The following PLEKHA8 variants were observed in gnomAD, a reference collection of about 807,000 sequenced individuals.
PLEKHA8 encodes pleckstrin homology domain containing A8.
A neutral mutation model predicts 68.2 loss-of-function variants in PLEKHA8; 36 were observed. The observed-to-expected ratio is 0.53, with a 90% CI of 0.40 to 0.70. PLEKHA8 has a LOEUF of 0.70. PLEKHA8 is among the 30% of genes least tolerant of loss of function. The probability of loss-of-function intolerance (pLI) is 0.00; values close to 1 mark genes in which losing one functional copy is unlikely to be tolerated. For synonymous variants in PLEKHA8, 211 were observed against 216.1 expected (o/e 0.98, Z 0.20); for missense variants, 505 against 615.4 (o/e 0.82, Z 1.90).
chr7:30,061,399 C>G (rs1168423606), intron 10 of PLEKHA8, among the ~76,000 whole-genome samples: 2 of 152,174 alleles, frequency 1.3e-5, no homozygotes, highest in Admixed American at 1.3e-4. Context: ...CTCTTTCTTC[C>G]AGGTAAAATA....
chr7:30,072,606 A>G (rs1794315694), intron 12 of PLEKHA8, among the ~76,000 whole-genome samples: 1 of 152,222 alleles, frequency 6.6e-6, no homozygotes, highest in Non-Finnish European at 1.5e-5. Context: ...GTTGCTTTTC[A>G]CTGCATAGGA....
intron 13 of PLEKHA8, 21 bp downstream of exon 13, chr7:30,074,153 C>T: frequency 1.2e-6 from 2 of 1,604,296 alleles, no homozygotes; most frequent in Non-Finnish European, 1.7e-6. Flanking sequence ...CTTCTTGTCT[C>T]CTATTATTAA....
intron 13 of PLEKHA8, chr7:30,115,985 T>TGCATACGCATACATACGC (rs1796504133): frequency 9.3e-6 from 1 of 107,980 alleles, no homozygotes; most frequent in Non-Finnish European, 2.1e-5. Context: ...TGCATGCATG[T>TGCATACGCATACATACGC]ATGCATACGC....
chr7:30,091,476 C>T (rs1025538368), downstream of PLEKHA8, among the ~76,000 whole-genome samples: 4 of 152,078 alleles, frequency 2.6e-5, no homozygotes, highest in African/African-American at 7.2e-5. Context: ...TATCTCACTA[C>T]ATTTTTTTTT....
intron 3 of PLEKHA8, 106 bp downstream of exon 3, chr7:30,046,471 G>T: frequency 9.4e-6 from 12 of 1,282,786 alleles, no homozygotes; most frequent in Non-Finnish European, 1.3e-5. Context: ...CCAGCTTTTT[G>T]TGTCATGCAA....
chr7:30,129,222 T>C lies in PLEKHA8; in HGVS notation c.1363-44T>C. On this transcript the variant is annotated intron_variant, in intron 13 of 13. Coordinates refer to the PLEKHA8 transcript ENST00000396257. ...GTTGGGACTAAAAGAGTAATGACAG[T>C]TGGCCTGTGTTCCTCTGTCCTTCCC... 3.1e-6 allele frequency: 5 copies of C among 1,612,582 alleles called. No individual in the cohort carries two copies. The South Asian group carries it at 5.5e-5, about 18-fold the overall frequency.
At chr7:30,044,923 A>G (rs1383962654) in intron 1 of PLEKHA8, among the ~76,000 whole-genome samples, 162 bp from the exon 2 acceptor site, 1 of 152,238 alleles carries the variant, frequency 6.6e-6, no homozygotes, top group African/African-American at 2.4e-5. Flanking sequence ...GGGATAAAAC[A>G]TACAGGTCTT....
chr7:30,042,269 G>A (rs1040287055), intron 1 of PLEKHA8, among the ~76,000 whole-genome samples: 1 of 152,168 alleles, frequency 6.6e-6, no homozygotes, highest in Admixed American at 6.5e-5. Flanking sequence ...ACATGAGCTA[G>A]TTACTTAAAA....
At chr7:30,056,742 A>AAGG (rs749308104) in intron 9 of PLEKHA8, among the ~76,000 whole-genome samples, 1 of 74,784 alleles carries the variant, frequency 1.3e-5, no homozygotes, top group Non-Finnish European at 2.4e-5. Flanking sequence ...AAAAAAAAAA[A>AAGG]GTGTGTGTGT....
chr7:30,045,624 T>G (rs1226108942), intron 2 of PLEKHA8, among the ~76,000 whole-genome samples: 1 of 152,210 alleles, frequency 6.6e-6, no homozygotes. Context: ...CTTCTTGTTT[T>G]TGTCTTGAGA....
chr7:30,035,907 A>G (rs538452689), intron 1 of PLEKHA8, among the ~76,000 whole-genome samples: 26 of 151,970 alleles, frequency 1.7e-4, no homozygotes, highest in African/African-American at 6.3e-4. Flanking sequence ...TGGCCTCCCA[A>G]AGTGTTGGGA....
At chr7:30,036,431 G>C (rs978105826) in intron 1 of PLEKHA8, among the ~76,000 whole-genome samples, 34 of 151,432 alleles carry the variant, frequency 2.2e-4, no homozygotes, top group African/African-American at 8.0e-4. Flanking sequence ...TAGATAGATA[G>C]ATAGATAGAT....
chr7:30,045,232 T>C (rs1312371459), intron 2 of PLEKHA8, 31 bp downstream of exon 2: 2 of 1,528,594 alleles, frequency 1.3e-6, no homozygotes, highest in South Asian at 2.3e-5. Flanking sequence ...CAAGTTTTAT[T>C]TTTCTTTCTG....
chr7:30,117,240 T>C (rs1247992870), intron 13 of PLEKHA8, among the ~76,000 whole-genome samples: 1 of 152,202 alleles, frequency 6.6e-6, no homozygotes, highest in Non-Finnish European at 1.5e-5. Flanking sequence ...TATGTGTGTG[T>C]GCATTTCCTA....
chr7:30,121,033 G>A (rs867789969), intron 13 of PLEKHA8, among the ~76,000 whole-genome samples: 2 of 151,730 alleles, frequency 1.3e-5, no homozygotes, highest in African/African-American at 4.8e-5. Context: ...TAGATTTTAC[G>A]ATTAATCTAT....
downstream of PLEKHA8, among the ~76,000 whole-genome samples, chr7:30,092,718 G>C (rs748085539): frequency 2.6e-5 from 4 of 152,218 alleles, no homozygotes; most frequent in Non-Finnish European, 5.9e-5. Context: ...GCCGGTCACA[G>C]TCCCCAGGCC....
rs1404436173 is a variant in PLEKHA8 at position 30,049,852 on chromosome 7, T to C, written c.597+470T>C. Reference sequence around the variant, plus strand: ...TGAACATATTCATTGCTTGTGTTAATAATTCCTTCCACTCCTTTGTGCCGT... The same window carrying C: ...TGAACATATTCATTGCTTGTGTTAACAATTCCTTCCACTCCTTTGTGCCGT... On this transcript the variant is annotated intron_variant, in intron 5 of 13. Coordinates refer to ENST00000449726, the MANE Select transcript of PLEKHA8 (RefSeq NM_001197026.2). Among the ~76,000 whole-genome samples, 5 of 152,362 alleles carry C rather than the reference T, an allele frequency of 3.3e-5. No individual in the cohort carries two copies. The East Asian group carries it at 9.6e-4, about 29-fold the overall frequency.
chr7:30,053,855 G>C (rs908161597), intron 7 of PLEKHA8, among the ~76,000 whole-genome samples: 6 of 152,144 alleles, frequency 3.9e-5, no homozygotes, highest in African/African-American at 1.4e-4. Context: ...TTAGGTTCCT[G>C]CAAGACTTTG....
At chr7:30,074,009 A>T in intron 12 of PLEKHA8, 62 bp from the exon 13 acceptor site, 2 of 1,411,560 alleles carry the variant, frequency 1.4e-6, no homozygotes, top group Admixed American at 2.0e-5. Context: ...AAAGTACATT[A>T]TACAAATAGC....
Sources: allele counts gnomAD v4.1 joint callset (sites outside exome capture counted in the v4.1 genomes callset), GRCh38; gene constraint gnomAD v4.1.1; transcripts MANE v1.5; gene names NCBI Gene and HGNC (gene_info 2026-07-23, HGNC 2026-07-21).